LY6D: variants seen among roughly 807,000 people sequenced by gnomAD.
LY6D encodes the protein lymphocyte antigen 6D.
LY6D carries 7 observed loss-of-function variants against 5.6 expected under a neutral mutation model. The ratio of observed to expected loss-of-function variants is 1.24; its 90% confidence interval spans 0.71 to 2.34. The LOEUF (loss-of-function observed/expected upper bound fraction) is 2.34, where lower values mean the gene tolerates loss of function less well. Ranked by LOEUF, LY6D falls within the 30% of genes most tolerant of loss-of-function variation. LY6D has a pLI of 0.00. For synonymous variants in LY6D, 81 were observed against 75.0 expected, an observed-to-expected ratio of 1.08 and a Z score of -0.41; for missense variants, 148 against 164.8, an observed-to-expected ratio of 0.90 and a Z score of 0.56.
rs375812508 is a variant in LY6D at position 142,785,565 on chromosome 8, G to A, written c.151+24C>T. On this transcript the variant is annotated intron_variant, in intron 2 of 2. Coordinates refer to ENST00000301263, the MANE Select transcript of LY6D (RefSeq NM_003695.3). ...GCCAGGGATGTCCCCCAGCCCCAGG[G>A]ACACCTGGACAGATGCTACCCACCT... 949 of 1,610,668 alleles carry A rather than the reference G, an allele frequency of 5.9e-4. 5 individuals carry two copies. Among genetic ancestry groups the A allele is most frequent in the South Asian group, 1.3e-3 (114 of 91,030 alleles).
intron 1 of LY6D, chr8:142,786,191 C>G (rs1055456730): frequency 1.5e-6 from 2 of 1,295,306 alleles, no homozygotes; most frequent in South Asian, 2.3e-5. Flanking sequence ...GATGGCCGCT[C>G]TCCCAGTGAG....
chr8:142,785,215 G>A lies in LY6D; in HGVS notation c.*6C>T. On this transcript the variant is annotated 3_prime_UTR_variant, in exon 3 of 3. Transcript: ENST00000301263. Reference sequence around the variant, plus strand: ...AAGGCATGAGGGGCCTTCCCTGGGGGGAAGGTCACAGGCTGGGGGCTAAGA... The same window carrying A: ...AAGGCATGAGGGGCCTTCCCTGGGGAGAAGGTCACAGGCTGGGGGCTAAGA... 1.3e-6 allele frequency: 2 copies of A among 1,593,678 alleles called. No homozygotes were observed. Among genetic ancestry groups the A allele is most frequent in the East Asian group, 2.3e-5 (1 of 44,364 alleles).
At position 142,784,950 on chromosome 8, in the gene LY6D, G is replaced by T. The variant is rs1399775971; in HGVS notation, c.*271C>A. 2.0e-6 allele frequency: 1 copy of T among 488,880 alleles called. No homozygotes were observed. The highest frequency in any genetic ancestry group is 3.6e-6 in the Non-Finnish European group (1 of 274,244). 30.3% of individuals were successfully genotyped at this position (488,880 alleles called of 1,614,324 possible). A position where few individuals can be genotyped will look rare whatever the true frequency, so the allele number is the denominator to read the frequency against. ...AATAAACGGCAACAAAACAGAAGGA[G>T]TGTGAAATCCGGGGATCCACAGGGC... On this transcript the variant is annotated 3_prime_UTR_variant, in exon 3 of 3. Transcript: ENST00000301263.
chr8:142,785,713 C>T lies in LY6D; in HGVS notation c.53-26G>A, dbSNP rs750221887. The T allele has an allele frequency of 3.4e-4, 542 of 1,611,686 alleles. 2 individuals carry two copies. Among genetic ancestry groups the T allele is most frequent in the Non-Finnish European group, 2.8e-4 (331 of 1,179,352 alleles). On this transcript the variant is annotated intron_variant, in intron 1 of 2. Coordinates refer to ENST00000301263, the MANE Select transcript of LY6D (RefSeq NM_003695.3). ...CTGGCGGGGAGGGAGTCCGGCTCAGCGGGCCCAACAGAGGCCTCCTGGTGA... is the reference window on the plus strand; with the variant it reads ...CTGGCGGGGAGGGAGTCCGGCTCAGTGGGCCCAACAGAGGCCTCCTGGTGA...
In LY6D at chr8:142,785,296, G is replaced by T. The variant is rs184518892; in HGVS notation, c.312C>A (p.Thr104=). The change falls in exon 3 of 3, where the codon ACC becomes ACA. Residue 104 remains threonine (T), a synonymous_variant. Coordinates refer to ENST00000301263, the MANE Select transcript of LY6D (RefSeq NM_003695.3). ...EKLHNAAPTR[T]ALAHSALSLG... Reference sequence around the variant, plus strand: ...GGCTGAGGGCACTGTGGGCGAGGGCGGTGCGGGTGGGTGCAGCGTTGTGCA... The same window carrying T: ...GGCTGAGGGCACTGTGGGCGAGGGCTGTGCGGGTGGGTGCAGCGTTGTGCA... 1 of 1,613,360 alleles carries T rather than the reference G, an allele frequency of 6.2e-7. No homozygotes were observed. Among genetic ancestry groups the T allele is most frequent in the African/African-American group, 1.3e-5 (1 of 74,898 alleles).
chr8:142,785,297 G>T lies in LY6D; in HGVS notation c.311C>A (p.Thr104Asn), dbSNP rs747120665. 9 of 1,613,442 alleles carry T rather than the reference G, an allele frequency of 5.6e-6. No individual in the cohort carries two copies. In the African/African-American group the frequency reaches 9.3e-5, roughly 17 times the overall value. Residue 104 changes from threonine (T) to asparagine (N), a missense_variant, in exon 3 of 3, where the codon ACC (threonine) becomes AAC (asparagine). Thr to Asn is a moderately conservative substitution (Grantham distance 65). Transcript: ENST00000301263. ...GCTGAGGGCACTGTGGGCGAGGGCGGTGCGGGTGGGTGCAGCGTTGTGCAG... is the reference window on the plus strand; with the variant it reads ...GCTGAGGGCACTGTGGGCGAGGGCGTTGCGGGTGGGTGCAGCGTTGTGCAG... ...EKLHNAAPTR[T>N]ALAHSALSLG... is the part of the protein sequence containing the mutation.
Position 142,785,154 on chromosome 8 carries a change from G to T in LY6D, c.*67C>A. 1 of 1,323,216 alleles carries T rather than the reference G, an allele frequency of 7.6e-7. No individual in the cohort carries two copies. Among genetic ancestry groups the T allele is most frequent in the Non-Finnish European group, 1.0e-6 (1 of 956,484 alleles). 82.0% of individuals were successfully genotyped at this position (1,323,216 alleles called of 1,614,324 possible). ...TCCTGGCACCCCCGTTGCGGCTGGG[G>T]AAGAGAGGTGTGGAATCCCCAGAGA... On this transcript the variant is annotated 3_prime_UTR_variant, in exon 3 of 3. Coordinates refer to ENST00000301263, the MANE Select transcript of LY6D (RefSeq NM_003695.3).
At chr8:142,786,430 G>GGGCCCCCCCCCCCC in intron 1 of LY6D, 35 bp downstream of exon 1, 3 of 1,434,816 alleles carry the variant, frequency 2.1e-6, no homozygotes, top group African/African-American at 1.5e-5. Context: ...GGCCACAGCC[G>GGGCCCCCCCCCCCC]CCCACCCGCC....
intron 1 of LY6D, 81 bp downstream of exon 1, chr8:142,786,384 G>C: frequency 6.8e-7 from 1 of 1,467,328 alleles, no homozygotes; most frequent in Non-Finnish European, 9.1e-7. Context: ...CCTAGATGTC[G>C]TCAGCTCCAG....
In LY6D at chr8:142,785,760, A is replaced by G. The variant is rs1815645237; in HGVS notation, c.53-73T>C. On this transcript the variant is annotated intron_variant, in intron 1 of 2. Transcript: ENST00000301263. ...GTGACTCAGCAGGGCCTGCTCCCCC[A>G]CCTGCAGAGACCCCTCCTGGACAGA... 6 of 1,576,854 alleles carry G rather than the reference A, an allele frequency of 3.8e-6. No individual in the cohort carries two copies. The South Asian group carries it at 6.9e-5, about 18-fold the overall frequency.
chr8:142,786,438 G>GCCCCCTTGCCCCCCCCCCCC, intron 1 of LY6D, 27 bp downstream of exon 1: 1 of 1,190,526 alleles, frequency 8.4e-7, no homozygotes, highest in Non-Finnish European at 1.2e-6. Flanking sequence ...CCGCCCACCC[G>GCCCCCTTGCCCCCCCCCCCC]CCCGTCCCCT....
At chr8:142,786,314 G>C (rs1235172989) in intron 1 of LY6D, 151 bp downstream of exon 1, 1 of 1,372,088 alleles carries the variant, frequency 7.3e-7, no homozygotes. Flanking sequence ...GTTAAGATTC[G>C]GGCTCCATGT....
intron 1 of LY6D, chr8:142,786,046 G>C: frequency 8.3e-7 from 1 of 1,204,028 alleles, no homozygotes; most frequent in Non-Finnish European, 1.0e-6. Context: ...CTGAGGGCCT[G>C]ACGGAGCTAA....
chr8:142,786,232 C>T (rs1041625225), intron 1 of LY6D: 3 of 1,354,084 alleles, frequency 2.2e-6, no homozygotes, highest in African/African-American at 1.5e-5. Flanking sequence ...CTGCTCCACT[C>T]TCTCAGGGTC....
intron 1 of LY6D, 188 bp from the exon 2 acceptor site, chr8:142,785,875 T>TGG: frequency 7.0e-7 from 1 of 1,425,758 alleles, no homozygotes; most frequent in Non-Finnish European, 9.2e-7. Flanking sequence ...GGGACATGTA[T>TGG]TCCAGCCTGG....
intron 1 of LY6D, 75 bp from the exon 2 acceptor site, chr8:142,785,762 C>T (rs965672385): frequency 6.3e-7 from 1 of 1,578,164 alleles, no homozygotes; most frequent in African/African-American, 1.3e-5. Context: ...GCTCCCCCAC[C>T]TGCAGAGACC....
chr8:142,785,754 T>A, intron 1 of LY6D, 67 bp from the exon 2 acceptor site: 1 of 1,589,140 alleles, frequency 6.3e-7, no homozygotes, highest in Non-Finnish European at 8.6e-7. Flanking sequence ...CAGGGCCTGC[T>A]CCCCCACCTG....
At chr8:142,786,201 G>A (rs1239630016) in intron 1 of LY6D, 12 of 1,307,816 alleles carry the variant, frequency 9.2e-6, no homozygotes, top group Non-Finnish European at 1.2e-5. Context: ...CTCCCAGTGA[G>A]AAGCATCTCA....
chr8:142,786,430 G>GGGCCCCCCCCCCC, intron 1 of LY6D, 35 bp downstream of exon 1: 1 of 1,434,842 alleles, frequency 7.0e-7, no homozygotes, highest in Non-Finnish European at 9.4e-7. Context: ...GGCCACAGCC[G>GGGCCCCCCCCCCC]CCCACCCGCC....
Sources: gnomAD v4.1 joint callset for allele counts on GRCh38, gnomAD v4.1.1 for gene constraint, MANE v1.5 for transcripts, NCBI Gene and HGNC (gene_info 2026-07-23, HGNC 2026-07-21) for gene names.